The following PRKCA variants were observed in gnomAD, a reference collection of about 807,000 sequenced individuals.
The protein encoded by PRKCA is protein kinase C alpha.
Under a neutral mutation model 87.0 loss-of-function variants are expected in PRKCA, and 27 were observed. The observed-to-expected ratio is 0.31, with a 90% CI of 0.23 to 0.43. The LOEUF (loss-of-function observed/expected upper bound fraction) is 0.43, where lower values mean the gene tolerates loss of function less well. PRKCA is among the 20% of genes least tolerant of loss of function. The pLI, the probability that PRKCA is intolerant of heterozygous loss-of-function variation, is 1.00. For synonymous variants in PRKCA, 329 were observed against 311.1 expected, an observed-to-expected ratio of 1.06 and a Z score of -0.61; for missense variants, 518 against 852.3, an observed-to-expected ratio of 0.61 and a Z score of 4.88.
intron 8 of PRKCA, among the ~76,000 whole-genome samples, chr17:66,707,211 T>C (rs537417887): frequency 6.6e-6 from 1 of 152,342 alleles, no homozygotes; most frequent in South Asian, 2.1e-4. Context: ...TTTCAAATCC[T>C]ACAAGTCCCT....
intron 8 of PRKCA, 120 bp from the exon 9 acceptor site, chr17:66,732,568 C>T: frequency 6.5e-6 from 8 of 1,230,566 alleles, no homozygotes; most frequent in Non-Finnish European, 9.5e-6. Flanking sequence ...ACCCTTTGTT[C>T]CTTTTCTCAC....
chr17:66,320,426 G>A (rs139464717), intron 2 of PRKCA, among the ~76,000 whole-genome samples: 1,598 of 151,900 alleles, frequency 0.011, 13 homozygotes, highest in Middle Eastern at 0.031. Flanking sequence ...AAACAAAGCA[G>A]ACGTGAGATT....
intron 2 of PRKCA, among the ~76,000 whole-genome samples, chr17:66,352,558 G>GTTTTTTTTTTTTTTTTTTTTTTTT (rs56317931): frequency 1.2e-5 from 1 of 83,758 alleles, no homozygotes; most frequent in Non-Finnish European, 2.1e-5. Flanking sequence ...GTTTTTTGAG[G>GTTTTTTTTTTTTTTTTTTTTTTTT]TTTTTTTTTT....
At chr17:66,518,170 G>C (rs1967033281) in intron 3 of PRKCA, among the ~76,000 whole-genome samples, 1 of 152,160 alleles carries the variant, frequency 6.6e-6, no homozygotes, top group Admixed American at 6.5e-5. Flanking sequence ...ATTAGGCGAG[G>C]AGAAGGCTAC....
intron 12 of PRKCA, 90 bp downstream of exon 12, chr17:66,741,811 A>G (rs1974164656): frequency 7.3e-7 from 1 of 1,370,988 alleles, no homozygotes; most frequent in African/African-American, 1.4e-5. Context: ...GACTTAAGAC[A>G]CAGAGTTGAT....
chr17:66,696,063 G>A (rs1308838391), intron 8 of PRKCA, among the ~76,000 whole-genome samples: 1 of 152,228 alleles, frequency 6.6e-6, no homozygotes, highest in Non-Finnish European at 1.5e-5. Context: ...AGCAAGAGGT[G>A]TGATGTTGAT....
At chr17:66,577,230 G>A (rs1036468084) in intron 3 of PRKCA, among the ~76,000 whole-genome samples, 2 of 152,148 alleles carry the variant, frequency 1.3e-5, no homozygotes, top group African/African-American at 2.4e-5. Context: ...AACTAGGCTT[G>A]TGGGCTAGGG....
At chr17:66,462,546 A>G (rs1879180837) in intron 2 of PRKCA, among the ~76,000 whole-genome samples, 1 of 152,198 alleles carries the variant, frequency 6.6e-6, no homozygotes, top group South Asian at 2.1e-4. Flanking sequence ...TTTTCATTGT[A>G]TAAATTTGTT....
intron 2 of PRKCA, among the ~76,000 whole-genome samples, chr17:66,346,535 G>C (rs1343020253): frequency 6.6e-6 from 1 of 152,020 alleles, no homozygotes; most frequent in African/African-American, 2.4e-5. Flanking sequence ...TTGCGCCACT[G>C]TGCCTGGCTG....
intron 2 of PRKCA, among the ~76,000 whole-genome samples, chr17:66,468,303 G>A (rs1000650694): frequency 6.6e-6 from 1 of 152,152 alleles, no homozygotes; most frequent in Non-Finnish European, 1.5e-5. Context: ...GCACACTCTT[G>A]CAGCAACATC....
Position 66,735,551 on chromosome 17 carries a change from T to C in PRKCA, c.1119T>C (p.Asp373=). 6.2e-7 allele frequency: 1 copy of C among 1,614,004 alleles called. No individual in the cohort carries two copies. The highest frequency in any genetic ancestry group is 8.5e-7 in the Non-Finnish European group (1 of 1,180,012). Residue 373 remains aspartate, a synonymous_variant, in exon 10 of 17, where the codon GAT becomes GAC. Transcript: ENST00000413366. ...ELYAIKILKK[D]VVIQDDDVEC... ...ATGCAATCAAAATCCTGAAGAAGGA[T>C]GTGGTGATTCAGGATGATGACGTGG...
At chr17:66,613,396 C>T (rs1451585793) in intron 3 of PRKCA, among the ~76,000 whole-genome samples, 1 of 151,646 alleles carries the variant, frequency 6.6e-6, no homozygotes, top group African/African-American at 2.4e-5. Flanking sequence ...AATCAGTGCT[C>T]TTTGCTACTT....
chr17:66,520,640 A>G (rs1271684444), intron 3 of PRKCA, among the ~76,000 whole-genome samples: 1 of 151,656 alleles, frequency 6.6e-6, no homozygotes, highest in African/African-American at 2.4e-5. Flanking sequence ...AAGGTAATGC[A>G]GTTAGCAACC....
intron 5 of PRKCA, among the ~76,000 whole-genome samples, chr17:66,656,942 A>T (rs1159195737): frequency 2.6e-5 from 4 of 152,146 alleles, no homozygotes; most frequent in Non-Finnish European, 1.5e-5. Flanking sequence ...GTATATATAT[A>T]TTTTCAGATG....
chr17:66,362,982 C>T (rs980279874), intron 2 of PRKCA, among the ~76,000 whole-genome samples: 1 of 152,230 alleles, frequency 6.6e-6, no homozygotes, highest in Non-Finnish European at 1.5e-5. Flanking sequence ...GTGTGAGCCA[C>T]TGTGCCTGGC....
intron 3 of PRKCA, among the ~76,000 whole-genome samples, chr17:66,557,835 T>C (rs1042553940): frequency 5.3e-5 from 8 of 152,150 alleles, no homozygotes; most frequent in African/African-American, 1.9e-4. Flanking sequence ...TGAGGGGGTG[T>C]TAGCCAGAGA....
intron 2 of PRKCA, among the ~76,000 whole-genome samples, chr17:66,365,444 A>G (rs1908654753): frequency 6.6e-6 from 1 of 152,130 alleles, no homozygotes; most frequent in Admixed American, 6.5e-5. Flanking sequence ...ATCTCATTTA[A>G]TCCCCTTTTC....
chr17:66,670,130 T>C (rs1197207973), intron 5 of PRKCA, among the ~76,000 whole-genome samples: 1 of 152,228 alleles, frequency 6.6e-6, no homozygotes, highest in Non-Finnish European at 1.5e-5. Flanking sequence ...AGTCGTGGCA[T>C]ATTCTCAGAG....
At chr17:66,555,952 C>T (rs1968482200) in intron 3 of PRKCA, among the ~76,000 whole-genome samples, 1 of 152,006 alleles carries the variant, frequency 6.6e-6, no homozygotes, top group Non-Finnish European at 1.5e-5. Context: ...ATAGAGCCTT[C>T]TCATTTATTT....
Sources: allele counts gnomAD v4.1 joint callset (sites outside exome capture counted in the v4.1 genomes callset), GRCh38; gene constraint gnomAD v4.1.1; transcripts MANE v1.5; gene names NCBI Gene and HGNC (gene_info 2026-07-23, HGNC 2026-07-21).